ZDHHC11: variants seen among roughly 807,000 people sequenced by gnomAD.
ZDHHC11 encodes the protein zDHHC palmitoyltransferase 11.
A neutral mutation model predicts 51.3 loss-of-function variants in ZDHHC11; 44 were observed. The observed-to-expected ratio is 0.86, with a 90% confidence interval of 0.67 to 1.10. The LOEUF is 1.10. Among genes scored for constraint, ZDHHC11 ranks in the 50% least tolerant of loss-of-function variants. ZDHHC11 has a pLI of 0.00. For synonymous variants in ZDHHC11, 163 were observed against 222.0 expected (o/e 0.73, Z 2.36); for missense variants, 400 against 537.7 (o/e 0.74, Z 2.53).
In ZDHHC11 at chr5:795,637, A is replaced by C. The variant is rs1318064209; in HGVS notation, c.*951T>G. On this transcript the variant is annotated 3_prime_UTR_variant, in exon 13 of 13. Coordinates refer to ENST00000283441, the MANE Select transcript of ZDHHC11 (RefSeq NM_024786.3). ...AGTAACTTATAGATATATTTGGAAA[A>C]CTGATTATCTTTTAAAAAATGACTA... 1.3e-5 allele frequency: 2 copies of C among 153,078 alleles called. No individual in the cohort carries two copies. Among genetic ancestry groups the C allele is most frequent in the Non-Finnish European group, 1.5e-5 (1 of 67,912 alleles). 9.5% of individuals were successfully genotyped at this position (153,078 alleles called of 1,614,324 possible).
In ZDHHC11 at chr5:824,666, CCA is replaced by C. The variant is rs1424996104; in HGVS notation, c.1023+496_1023+497del. Among the ~76,000 whole-genome samples, 12 of 151,624 alleles carry C rather than the reference CCA, an allele frequency of 7.9e-5. 1 individual carries two copies. Among genetic ancestry groups the C allele is most frequent in the African/African-American group, 2.9e-4 (12 of 41,450 alleles). On this transcript the variant is annotated intron_variant, in intron 8 of 12. Transcript: ENST00000283441. ...AAACCACACACATAACCACACCCCCCCACATATGTGCAACCACACACCATACA... is the reference window on the plus strand; with the variant it reads ...AAACCACACACATAACCACACCCCCCCATATGTGCAACCACACACCATACA...
At chr5:841,173 T>A in intron 4 of ZDHHC11, 1 of 1,037,050 alleles carries the variant, frequency 9.6e-7, no homozygotes, top group Non-Finnish European at 1.2e-6. Flanking sequence ...CCTTCCTAAG[T>A]GCCGGGGTCA....
chr5:819,024 T>C (rs1741208604), intron 10 of ZDHHC11, among the ~76,000 whole-genome samples: 1 of 151,436 alleles, frequency 6.6e-6, no homozygotes, highest in South Asian at 2.1e-4. Flanking sequence ...CACACACATA[T>C]ACATGACCAC....
intron 10 of ZDHHC11, chr5:816,229 A>G (rs1406412359): frequency 3.9e-5 from 9 of 230,116 alleles, no homozygotes; most frequent in East Asian, 3.2e-4. Flanking sequence ...TTAAATGCTT[A>G]AAGTCACATT....
intron 7 of ZDHHC11, among the ~76,000 whole-genome samples, chr5:828,314 C>T (rs1185558596): frequency 1.1e-4 from 16 of 151,072 alleles, no homozygotes; most frequent in South Asian, 2.1e-4. Flanking sequence ...AAGGGGCGGC[C>T]GGGCGGAGGC....
chr5:808,540 T>C (rs1308446208), intron 11 of ZDHHC11, among the ~76,000 whole-genome samples: 1 of 149,540 alleles, frequency 6.7e-6, no homozygotes, highest in African/African-American at 2.4e-5. Flanking sequence ...CTTTTTTATT[T>C]ATTTATTTAT....
intron 11 of ZDHHC11, among the ~76,000 whole-genome samples, chr5:802,186 T>C (rs1738519227): frequency 6.6e-6 from 1 of 151,176 alleles, no homozygotes; most frequent in East Asian, 1.9e-4. Flanking sequence ...CAGTGACTGC[T>C]GCTGCAAGAC....
At position 850,698 on chromosome 5, in the gene ZDHHC11, C is replaced by T. The variant is rs1011673844; in HGVS notation, c.-96G>A. ...AGACCAAGGGGACTGGGAATGCAGC[C>T]GCCAGGACCAGCACTGACAGCCAAT... is the stretch of plus-strand genomic sequence containing the variant. On this transcript the variant is annotated 5_prime_UTR_variant, in exon 1 of 13. Coordinates refer to ENST00000283441, the MANE Select transcript of ZDHHC11 (RefSeq NM_024786.3). 102 of 1,458,988 alleles carry T rather than the reference C, an allele frequency of 7.0e-5. No individual in the cohort carries two copies. In the Admixed American group the frequency reaches 8.3e-4, roughly 12 times the overall value. 90.4% of individuals were successfully genotyped at this position (1,458,988 alleles called of 1,614,324 possible). A position where few individuals can be genotyped will look rare whatever the true frequency, so the allele number is the denominator to read the frequency against.
chr5:801,005 G>C (rs1738333945), intron 12 of ZDHHC11, 95 bp downstream of exon 12: 1 of 1,450,730 alleles, frequency 6.9e-7, no homozygotes, highest in South Asian at 1.2e-5. Flanking sequence ...CAGCCCTTGA[G>C]TTTGCACTGG....
At chr5:834,163 T>G (rs1743454505) in intron 6 of ZDHHC11, among the ~76,000 whole-genome samples, 1 of 152,274 alleles carries the variant, frequency 6.6e-6, no homozygotes, top group Non-Finnish European at 1.5e-5. Context: ...GTGTCTGTCT[T>G]GTTGATGACA....
intron 11 of ZDHHC11, among the ~76,000 whole-genome samples, chr5:811,283 C>G (rs1185546596): frequency 7.2e-6 from 1 of 138,458 alleles, no homozygotes; most frequent in South Asian, 2.2e-4. Context: ...CCAAAATAAC[C>G]TGAATTCACT....
intron 3 of ZDHHC11, among the ~76,000 whole-genome samples, chr5:846,509 GTT>G (rs1746187775): frequency 3.6e-5 from 5 of 139,970 alleles, no homozygotes; most frequent in African/African-American, 1.4e-4. Flanking sequence ...ACAACCTCTC[GTT>G]CTTGAGCCTC....
chr5:828,209 A>T (rs1742561139), intron 7 of ZDHHC11, among the ~76,000 whole-genome samples: 1 of 151,362 alleles, frequency 6.6e-6, no homozygotes, highest in Admixed American at 6.6e-5. Context: ...TATTCCACAA[A>T]ACCGCCATTG....
At chr5:797,696 C>CT (rs1737792405) in intron 12 of ZDHHC11, among the ~76,000 whole-genome samples, 1 of 151,526 alleles carries the variant, frequency 6.6e-6, no homozygotes, top group East Asian at 1.9e-4. Flanking sequence ...TTTGTGTTTT[C>CT]TTCATGTTTT....
intron 5 of ZDHHC11, 101 bp downstream of exon 5, chr5:840,394 G>C: frequency 3.3e-6 from 5 of 1,509,230 alleles, no homozygotes; most frequent in Admixed American, 1.7e-5. Flanking sequence ...CCCCAGGCGT[G>C]GGGGGCTCAG....
intron 10 of ZDHHC11, chr5:816,680 T>C (rs1196793996): frequency 1.6e-6 from 1 of 613,062 alleles, no homozygotes; most frequent in African/African-American, 1.8e-5. Context: ...CAAGCCCGTT[T>C]TGGCTTTGTG....
chr5:819,585 A>G lies in ZDHHC11; in HGVS notation c.1086T>C (p.Ile362=). The stretch of plus-strand genomic sequence containing the variant: ...TGGAGAACTGACACAGGCGCCTGCA[A>G]ATCAGCCGGGAGTTCCTGGCCTTGG... ...LGAKARNSRL[I]CRRLCQFSTR... The change falls in exon 10 of 13, where the codon ATT becomes ATC. Residue 362 remains isoleucine (I), a synonymous_variant. Transcript: ENST00000283441. 2 of 1,609,672 alleles carry G rather than the reference A, an allele frequency of 1.2e-6. No individual in the cohort carries two copies. The highest frequency in any genetic ancestry group is 1.7e-6 in the Non-Finnish European group (2 of 1,176,540).
upstream of ZDHHC11, among the ~76,000 whole-genome samples, chr5:854,867 G>T (rs982191266): frequency 2.9e-5 from 4 of 139,906 alleles, no homozygotes; most frequent in Admixed American, 1.4e-4. Context: ...GAGCCGGGGG[G>T]ACAGACCCCA....
intron 11 of ZDHHC11, among the ~76,000 whole-genome samples, chr5:802,825 C>CAAAAAAAAAAAAAAAAAAAAAAAAAA (rs70957306): frequency 5.2e-5 from 1 of 19,116 alleles, no homozygotes. Context: ...TACAAAAATA[C>CAAAAAAAAAAAAAAAAAAAAAAAAAA]AAAAAAAAAA....
Sources: gnomAD v4.1 joint callset for allele counts (sites outside exome capture counted in the v4.1 genomes callset) on GRCh38, gnomAD v4.1.1 for gene constraint, MANE v1.5 for transcripts, NCBI Gene and HGNC (gene_info 2026-07-23, HGNC 2026-07-21) for gene names.